ANAPC2: variants seen among roughly 807,000 people sequenced by gnomAD.
ANAPC2 encodes the protein anaphase-promoting complex subunit 2.
In ANAPC2, 29 loss-of-function variants were observed where a neutral mutation model predicts 84.3. The ratio of observed to expected loss-of-function variants is 0.34; its 90% CI spans 0.26 to 0.47. ANAPC2 has a LOEUF of 0.47. Among genes scored for constraint, ANAPC2 ranks in the 20% least tolerant of loss-of-function variants. The pLI is 1.00. For synonymous variants in ANAPC2, 571 were observed against 479.4 expected (o/e 1.19, Z -2.50); for missense variants, 857 against 1,131.7 (o/e 0.76, Z 3.48).
At chr9:137,183,299 G>A (rs1273223699) in intron 5 of ANAPC2, 57 bp from the exon 6 acceptor site, 4 of 1,421,000 alleles carry the variant, frequency 2.8e-6, no homozygotes, top group Non-Finnish European at 4.0e-6. Flanking sequence ...AGCCTCCCAG[G>A]GGCAACACCC....
intron 10 of ANAPC2, chr9:137,177,028 T>A (rs1834235211): frequency 6.6e-6 from 1 of 152,110 alleles, no homozygotes; most frequent in Non-Finnish European, 1.5e-5. Flanking sequence ...ACATGAGGTG[T>A]GACCTGTGTA....
At chr9:137,184,774 T>C in intron 4 of ANAPC2, 139 bp downstream of exon 4, 2 of 1,102,434 alleles carry the variant, frequency 1.8e-6, no homozygotes, top group Non-Finnish European at 2.5e-6. Context: ...GCAAAGGCCC[T>C]GGGAGCCCCA....
chr9:137,186,480 A>C, intron 2 of ANAPC2, 124 bp from the exon 3 acceptor site: 1 of 1,293,824 alleles, frequency 7.7e-7, no homozygotes, highest in Non-Finnish European at 1.0e-6. Flanking sequence ...ACACACACCC[A>C]GCACACACCT....
chr9:137,182,455 G>A (rs1171065765), intron 6 of ANAPC2, among the ~76,000 whole-genome samples: 4 of 152,094 alleles, frequency 2.6e-5, no homozygotes, highest in Admixed American at 6.5e-5. Flanking sequence ...CTTGCAGTGA[G>A]CAGAGATCGT....
In ANAPC2 at chr9:137,180,283, C is replaced by G. The variant is rs200796659; in HGVS notation, c.1788G>C (p.Leu596=). ...TGAAGGGCGGCCAGAACTCACTGGA[C>G]AGGATGACAGCGTAGACCCCGAACG... The part of the protein sequence containing the change: ...QPPFGVYAVI[L]SSEFWPPFKD... Residue 596 remains leucine, a synonymous_variant, in exon 10 of 13, where the codon CTG becomes CTC. Coordinates refer to ENST00000323927, the MANE Select transcript of ANAPC2 (RefSeq NM_013366.4). 8.7e-6 allele frequency: 14 copies of G among 1,613,584 alleles called. No individual in the cohort carries two copies. Among genetic ancestry groups the G allele is most frequent in the Non-Finnish European group, 1.2e-5 (14 of 1,180,044 alleles).
At chr9:137,181,553 C>T in intron 7 of ANAPC2, 128 bp downstream of exon 7, 1 of 1,102,186 alleles carries the variant, frequency 9.1e-7, no homozygotes, top group Non-Finnish European at 1.2e-6. Flanking sequence ...CTTTGACACC[C>T]TCAAGCCTCT....
In ANAPC2 at chr9:137,183,745, C is replaced by T. The variant is rs373414782; in HGVS notation, c.1095G>A (p.Leu365=). 20 of 1,613,306 alleles carry T rather than the reference C, an allele frequency of 1.2e-5. No homozygotes were observed. In the African/African-American group the frequency reaches 2.0e-4, roughly 16 times the overall value. The part of the protein sequence containing the change: ...RPAIEDLKYC[L]ERTDQRQQLL... The stretch of plus-strand genomic sequence containing the variant: ...GCTGCTGCCTCTGGTCCGTCCTCTC[C>T]AGGCAGTACTTGAGGTCCTCGATGG... The change falls in exon 5 of 13, where the codon CTG becomes CTA. Residue 365 remains leucine, a synonymous_variant. Coordinates refer to ENST00000323927, the MANE Select transcript of ANAPC2 (RefSeq NM_013366.4).
In ANAPC2 at chr9:137,174,908, C is replaced by G; in HGVS notation, c.*34G>C. The G allele has an allele frequency of 8.9e-7, 1 of 1,117,814 alleles. No homozygotes were observed. Among genetic ancestry groups the G allele is most frequent in the Non-Finnish European group, 1.2e-6 (1 of 831,690 alleles). 69.2% of individuals were successfully genotyped at this position (1,117,814 alleles called of 1,614,324 possible). ...GAGGACGAGAGCACCTGCAGGGCAG[C>G]GCCTGGCGGGCGGGCGGGCGGGCGG... On this transcript the variant is annotated 3_prime_UTR_variant, in exon 13 of 13. Transcript: ENST00000323927. This position sits in a 1 kb window ranked among gnomAD's most constrained non-coding sequence, Gnocchi z 6.1.
At position 137,184,902 on chromosome 9, in the gene ANAPC2, G is replaced by C; in HGVS notation, c.1048+11C>G. 1.2e-6 allele frequency: 2 copies of C among 1,611,344 alleles called. No homozygotes were observed. The highest frequency in any genetic ancestry group is 1.7e-6 in the Non-Finnish European group (2 of 1,179,300). ...ACGGGAGAGCGGACCCCAGGGCCGG[G>C]GCAGGACCACCTCGGACGATGCTGA... On this transcript the variant is annotated intron_variant, in intron 4 of 12. Coordinates refer to ENST00000323927, the MANE Select transcript of ANAPC2 (RefSeq NM_013366.4).
intron 4 of ANAPC2, among the ~76,000 whole-genome samples, chr9:137,184,389 G>GGGGAGCCCAGACGCAGACACA (rs1422034540): frequency 7.5e-6 from 1 of 133,246 alleles, no homozygotes; most frequent in Non-Finnish European, 1.6e-5. Flanking sequence ...GTGAAGGCAC[G>GGGGAGCCCAGACGCAGACACA]GGGAGCCCAG....
rs773778586 is a variant in ANAPC2, at chr9:137,187,669, A to G, written c.552T>C (p.Tyr184=). ...CTTCCCCCTTCCTCTTACTCTGCAT[A>G]TAGACTCTCAAGAAGCACCCATACA... ...QRLYGCFLRV[Y]MQSKRKGEGG... is the part of the protein sequence containing the mutation. The change falls in exon 2 of 13, where the codon TAT becomes TAC. Residue 184 remains tyrosine, a synonymous_variant. Transcript: ENST00000323927. 18 of 1,613,872 alleles carry G rather than the reference A, an allele frequency of 1.1e-5. No individual in the cohort carries two copies. The highest frequency in any genetic ancestry group is 2.2e-5 in the East Asian group (1 of 44,896).
Position 137,187,851 on chromosome 9 carries a change from G to A in ANAPC2, c.370C>T (p.Pro124Ser), listed in dbSNP as rs936423625. 11 of 1,613,502 alleles carry A rather than the reference G, an allele frequency of 6.8e-6. No individual in the cohort carries two copies. Among genetic ancestry groups the A allele is most frequent in the Non-Finnish European group, 9.3e-6 (11 of 1,180,056 alleles). Residue 124 changes from proline to serine, a missense_variant, in exon 2 of 13, where the codon CCC (proline) becomes TCC (serine). Physicochemically the swap from Pro to Ser is moderately conservative, Grantham distance 74. Coordinates refer to ENST00000323927, the MANE Select transcript of ANAPC2 (RefSeq NM_013366.4). ...AGCAGCTCTAGGCTACGCAGGTAGG[G>A]ATCCAGGCGGCTCTCCAGCAGGCCA... ...AFGLLESRLD[P>S]YLRSLELLEK... is the part of the protein sequence containing the mutation.
chr9:137,176,182 A>C, intron 10 of ANAPC2: 1 of 175,472 alleles, frequency 5.7e-6, no homozygotes, highest in Non-Finnish European at 1.1e-5. Flanking sequence ...AAGAAAAGGA[A>C]AGATAGGAAG....
chr9:137,188,494 G>T lies in ANAPC2; in HGVS notation c.39C>A (p.Asp13Glu), dbSNP rs1473414759. The change falls in exon 1 of 13, where the codon GAC becomes GAA. Residue 13 changes from aspartate (D) to glutamate (E), a missense_variant. This residue lies in a region of ANAPC2 where 428 missense variants were observed against 513.8 expected (regional missense o/e 0.83). Coordinates refer to ENST00000323927, the MANE Select transcript of ANAPC2 (RefSeq NM_013366.4). ...CTAACAACTCCTGTCCGGGCCGGGA[G>T]TCGCTGTCCCCCTCCGCCACCACAA... is the stretch of plus-strand genomic sequence containing the variant. ...AAVVVAEGDS[D>E]SRPGQELLVA... 6.2e-7 allele frequency: 1 copy of T among 1,610,024 alleles called. No homozygotes were observed. Among genetic ancestry groups the T allele is most frequent in the South Asian group, 1.1e-5 (1 of 91,004 alleles).
At chr9:137,186,199 C>T (rs770730157) in intron 3 of ANAPC2, 25 bp downstream of exon 3, 3 of 1,608,650 alleles carry the variant, frequency 1.9e-6, no homozygotes, top group South Asian at 1.1e-5. Flanking sequence ...TCCAGCGGGG[C>T]ACAGCCCAAG....
Position 137,175,411 on chromosome 9 carries a change from C to T in ANAPC2, c.2082G>A (p.Arg694=). 6.2e-7 allele frequency: 1 copy of T among 1,607,762 alleles called. No individual in the cohort carries two copies. The highest frequency in any genetic ancestry group is 8.5e-7 in the Non-Finnish European group (1 of 1,177,880). Residue 694 remains arginine, a synonymous_variant, in exon 12 of 13, where the codon CGG becomes CGA. Transcript: ENST00000323927. Reference sequence around the variant, plus strand: ...CCTGCTGCAGCCACACGGACATCCGCCGCCGCAGCAGCGCCACGGGCATCT... The same window carrying T: ...CCTGCTGCAGCCACACGGACATCCGTCGCCGCAGCAGCGCCACGGGCATCT... ...AVKMPVALLR[R]RMSVWLQQGV...
At position 137,187,960 on chromosome 9, in the gene ANAPC2, G is replaced by A; in HGVS notation, c.261C>T (p.Ile87=). Residue 87 remains isoleucine, a synonymous_variant, in exon 2 of 13, where the codon ATC becomes ATT. Coordinates refer to ENST00000323927, the MANE Select transcript of ANAPC2 (RefSeq NM_013366.4). ...AGATGGCATTCCAGAACTCAGGGGA[G>A]ATGTTGGCCTGCAGATCGTTCTGCA... ...EVLQNDLQAN[I]SPEFWNAISQ... 6.2e-7 allele frequency: 1 copy of A among 1,613,950 alleles called. No homozygotes were observed. Among genetic ancestry groups the A allele is most frequent in the Non-Finnish European group, 8.5e-7 (1 of 1,180,040 alleles).
intron 6 of ANAPC2, among the ~76,000 whole-genome samples, chr9:137,182,863 T>A (rs1834374021): frequency 6.6e-6 from 1 of 152,114 alleles, no homozygotes; most frequent in African/African-American, 2.4e-5. Context: ...GTGCTGGAGA[T>A]GGGGAGGCTG....
At chr9:137,183,598 C>T (rs1046173407) in intron 5 of ANAPC2, 74 bp downstream of exon 5, 3 of 1,547,580 alleles carry the variant, frequency 1.9e-6, no homozygotes, top group Non-Finnish European at 2.6e-6. Context: ...GACTAGGCCC[C>T]AGGCTCCCTG....
Sources: gnomAD v4.1 joint callset for allele counts (sites outside exome capture counted in the v4.1 genomes callset) on GRCh38, gnomAD v4.1.1 for gene constraint, gnomAD v4.1.1 regional missense constraint, Gnocchi (gnomAD v3.1) non-coding constraint, MANE v1.5 for transcripts, NCBI Gene and HGNC (gene_info 2026-07-23, HGNC 2026-07-21) for gene names.